ALOX12B: variants seen among roughly 807,000 people sequenced by gnomAD.
The protein encoded by ALOX12B is arachidonate 12-lipoxygenase, 12R type, also known as arachidonate 12-lipoxygenase, 12R-type.
A neutral mutation model predicts 78.9 loss-of-function variants in ALOX12B; 47 were observed. The ratio of observed to expected loss-of-function variants is 0.60; its 90% CI spans 0.47 to 0.76. The LOEUF is 0.76. ALOX12B is among the 30% of genes least tolerant of loss of function. The probability of loss-of-function intolerance (pLI) is 0.00; values close to 1 mark genes in which losing one functional copy is unlikely to be tolerated. For missense variants in ALOX12B, 805 were observed against 922.6 expected, an observed-to-expected ratio of 0.87 and a Z score of 1.65; for synonymous variants, 370 against 374.5, an observed-to-expected ratio of 0.99 and a Z score of 0.14.
In ALOX12B at chr17:8,072,705, G is replaced by A. The variant is rs74252603; in HGVS notation, c.*66C>T. 6.4e-4 allele frequency: 1,021 copies of A among 1,597,818 alleles called. 14 individuals carry two copies. The East Asian group carries it at 0.02, about 32-fold the overall frequency. ...TCTGAGGTTTTTGTGTTTTTTGCTT[G>A]TTTGTTTTGTTTTGTTGAAAATAGT... On this transcript the variant is annotated 3_prime_UTR_variant, in exon 15 of 15. Transcript: ENST00000647874.
rs201756763 is a variant in ALOX12B at position 8,075,225 on chromosome 17, TCTC to T, written c.1654+367_1654+369del. Among the ~76,000 whole-genome samples, 117 of 152,226 alleles carry T rather than the reference TCTC, an allele frequency of 7.7e-4. 1 individual carries two copies. In the East Asian group the frequency reaches 0.022, roughly 29 times the overall value. On this transcript the variant is annotated intron_variant, in intron 12 of 14. Coordinates refer to ENST00000647874, the MANE Select transcript of ALOX12B (RefSeq NM_001139.3). Reference sequence around the variant, plus strand: ...CGGGACCTCAGGGCGCTTTCACCCTTCTCCTGGAGCTGCCAGCTCCCTGGCCTC... The same window carrying T: ...CGGGACCTCAGGGCGCTTTCACCCTTCTGGAGCTGCCAGCTCCCTGGCCTC...
At chr17:8,078,538 A>C (rs560975643) in intron 8 of ALOX12B, among the ~76,000 whole-genome samples, 22 of 150,096 alleles carry the variant, frequency 1.5e-4, no homozygotes, top group African/African-American at 5.2e-4. Flanking sequence ...TGGGAGGCTG[A>C]GGCGGGAGAA....
At chr17:8,081,650 CA>C (rs1256943617) in intron 2 of ALOX12B, 3 of 202,106 alleles carry the variant, frequency 1.5e-5, no homozygotes, top group Non-Finnish European at 3.1e-5. Context: ...CATGTGTACA[CA>C]TTTTTTTTTT....
rs1303015972 is a variant in ALOX12B, at chr17:8,076,650, G to C, written c.1362+7C>G. 30 of 1,550,790 alleles carry C rather than the reference G, an allele frequency of 1.9e-5. No homozygotes were observed. Among genetic ancestry groups the C allele is most frequent in the Non-Finnish European group, 2.4e-5 (27 of 1,146,424 alleles). ...TGTCTCGTTGGGGTTGGGGGCAGAA[G>C]TCTTACCTTGGCAGAGAGCCCCCCC... is the stretch of plus-strand genomic sequence containing the variant. On this transcript the variant is annotated splice_region_variant and intron_variant, in intron 10 of 14. Transcript: ENST00000647874.
chr17:8,087,625 T>A lies in ALOX12B; in HGVS notation c.-183A>T. 9.5e-7 allele frequency: 1 copy of A among 1,047,278 alleles called. No individual in the cohort carries two copies. Among genetic ancestry groups the A allele is most frequent in the Non-Finnish European group, 1.4e-6 (1 of 719,056 alleles). The allele number at this position is 1,047,278 out of a possible 1,614,324, so 64.9% of individuals were successfully genotyped here. ...CCTGCCAGCCAAATTCTGGAAAAGC[T>A]GCTGCCCTTGGTGGCCGGGGTGGGT... On this transcript the variant is annotated 5_prime_UTR_variant, in exon 1 of 15. Coordinates refer to ENST00000647874, the MANE Select transcript of ALOX12B (RefSeq NM_001139.3).
chr17:8,085,914 GC>G lies in ALOX12B; in HGVS notation c.352+101del, dbSNP rs1978295444. 4.3e-6 allele frequency: 6 copies of G among 1,402,502 alleles called. No individual in the cohort carries two copies. In the South Asian group the frequency reaches 5.8e-5, roughly 14 times the overall value. The allele number at this position is 1,402,502 out of a possible 1,614,324, so 86.9% of individuals were successfully genotyped here. Reference sequence around the variant, plus strand: ...GCCCAGGAGTCCCTGGTGGGGCTGGGCCCCCCTCTGGCTTGATGGGAGCCTG... The same window carrying G: ...GCCCAGGAGTCCCTGGTGGGGCTGGGCCCCCTCTGGCTTGATGGGAGCCTG... On this transcript the variant is annotated intron_variant, in intron 2 of 14. Coordinates refer to ENST00000647874, the MANE Select transcript of ALOX12B (RefSeq NM_001139.3).
Position 8,075,729 on chromosome 17 carries a change from C to T in ALOX12B, c.1533-13G>A. On this transcript the variant is annotated splice_polypyrimidine_tract_variant and intron_variant, in intron 11 of 14. Coordinates refer to ENST00000647874, the MANE Select transcript of ALOX12B (RefSeq NM_001139.3). ...CTCCGTCACATACCTGACCAGGGGA[C>T]AGGGCCTCAGTTTGGATCCTCCTCC... 1 of 1,614,176 alleles carries T rather than the reference C, an allele frequency of 6.2e-7. No individual in the cohort carries two copies. The highest frequency in any genetic ancestry group is 2.2e-5 in the East Asian group (1 of 44,880).
In ALOX12B at chr17:8,080,211, G is replaced by A; in HGVS notation, c.754+24C>T. On this transcript the variant is annotated intron_variant, in intron 6 of 14. Coordinates refer to ENST00000647874, the MANE Select transcript of ALOX12B (RefSeq NM_001139.3). The surrounding 1 kb of genome is among the most constrained non-coding windows in gnomAD (Gnocchi z 4.8). ...GGAGACCGCCTGGCTCCCCCTGCTC[G>A]ATCCGGGACGCCCCATTCCATACCG... is the stretch of plus-strand genomic sequence containing the variant. The A allele has an allele frequency of 6.2e-7, 1 of 1,609,818 alleles. No homozygotes were observed. The highest frequency in any genetic ancestry group is 8.5e-7 in the Non-Finnish European group (1 of 1,176,096).
At chr17:8,073,600 CGA>C in intron 13 of ALOX12B, 55 bp downstream of exon 13, 1 of 1,524,916 alleles carries the variant, frequency 6.6e-7, no homozygotes, top group Non-Finnish European at 9.1e-7. Context: ...GGGGCATGGA[CGA>C]AATTTAGAAG....
intron 8 of ALOX12B, among the ~76,000 whole-genome samples, chr17:8,078,496 C>T (rs546246353): frequency 5.6e-4 from 85 of 151,398 alleles, no homozygotes; most frequent in Non-Finnish European, 8.7e-4. Context: ...GAGGGCCGGG[C>T]GAGGTGGCTC....
Position 8,076,322 on chromosome 17 carries a change from C to G in ALOX12B, c.1385G>C (p.Gly462Ala). Reference sequence around the variant, plus strand: ...AGCCCGTACCATCACCCCAGCAAAGCCTTCCACGCCCAGGGACATGCCCTG... The same window carrying G: ...AGCCCGTACCATCACCCCAGCAAAGGCTTCCACGCCCAGGGACATGCCCTG... ...SAKGMSLGVE[G>A]FAGVMVRALS... The change falls in exon 11 of 15, where the codon GGC becomes GCC. Residue 462 changes from glycine (G) to alanine (A), a missense_variant. Physicochemically the swap from Gly to Ala is moderately conservative, Grantham distance 60. Transcript: ENST00000647874. The G allele has an allele frequency of 6.2e-7, 1 of 1,608,338 alleles. No individual in the cohort carries two copies. Among genetic ancestry groups the G allele is most frequent in the East Asian group, 2.2e-5 (1 of 44,738 alleles).
Position 8,079,489 on chromosome 17 carries a change from G to A in ALOX12B, c.978C>T (p.Thr326=), listed in dbSNP as rs376447477. 3.2e-6 allele frequency: 5 copies of A among 1,551,004 alleles called. No individual in the cohort carries two copies. The highest frequency in any genetic ancestry group is 4.4e-6 in the Non-Finnish European group (5 of 1,146,982). The change falls in exon 8 of 15, where the codon ACC becomes ACT. Residue 326 remains threonine, a synonymous_variant. Coordinates refer to ENST00000647874, the MANE Select transcript of ALOX12B (RefSeq NM_001139.3). This position sits in a 1 kb window ranked among gnomAD's most constrained non-coding sequence, Gnocchi z 6.4. ...ADYRIMEGIP[T]VELSGRKQHH... is the part of the protein sequence containing the mutation. Reference sequence around the variant, plus strand: ...GCTGCTTCCGGCCGCTGAGCTCCACGGTGGGGATGCCCTCCATGATGCGGT... The same window carrying A: ...GCTGCTTCCGGCCGCTGAGCTCCACAGTGGGGATGCCCTCCATGATGCGGT...
chr17:8,085,808 T>C (rs973334650), intron 2 of ALOX12B, among the ~76,000 whole-genome samples: 1 of 152,150 alleles, frequency 6.6e-6, no homozygotes, highest in African/African-American at 2.4e-5. Context: ...CTCAGGCACC[T>C]CTCTTCCTCC....
rs779160373 is a variant in ALOX12B, at chr17:8,075,608, C to A, written c.1641G>T (p.Gly547=). The part of the protein sequence containing the change: ...VQEIFKECLL[G]RESSGFPRCL... The stretch of plus-strand genomic sequence containing the variant: ...CCAGGCCCATACCTGAGCTCTCCCG[C>A]CCCAGGAGGCACTCTTTAAATATTT... The change falls in exon 12 of 15, where the codon GGG becomes GGT. Residue 547 remains glycine, a synonymous_variant. Coordinates refer to ENST00000647874, the MANE Select transcript of ALOX12B (RefSeq NM_001139.3). 1.2e-6 allele frequency: 2 copies of A among 1,614,068 alleles called. No homozygotes were observed. Among genetic ancestry groups the A allele is most frequent in the Admixed American group, 3.3e-5 (2 of 60,004 alleles).
chr17:8,076,258 A>T lies in ALOX12B; in HGVS notation c.1449T>A (p.Asn483Lys). Residue 483 changes from asparagine (N) to lysine (K), a missense_variant, in exon 11 of 15, where the codon AAT becomes AAA. Asn to Lys is a moderately conservative substitution (Grantham distance 94). Transcript: ENST00000647874. The part of the protein sequence containing the change: ...ELTYDSLYLP[N>K]DFVERGVQDL... ...CCTGGACCCCACGCTCCACAAAGTCATTGGGGAGGTAGAGGCTGTCATAGG... is the reference window on the plus strand; with the variant it reads ...CCTGGACCCCACGCTCCACAAAGTCTTTGGGGAGGTAGAGGCTGTCATAGG... 6.2e-7 allele frequency: 1 copy of T among 1,614,118 alleles called. No individual in the cohort carries two copies. The highest frequency in any genetic ancestry group is 8.5e-7 in the Non-Finnish European group (1 of 1,180,004).
At chr17:8,081,894 C>T (rs1393518515) in intron 2 of ALOX12B, among the ~76,000 whole-genome samples, 1 of 152,214 alleles carries the variant, frequency 6.6e-6, no homozygotes, top group Non-Finnish European at 1.5e-5. Flanking sequence ...CTGCACGCCT[C>T]TGCCTCCCAA....
At position 8,072,863 on chromosome 17, in the gene ALOX12B, T is replaced by A; in HGVS notation, c.2014A>T (p.Ile672Phe). The change falls in exon 15 of 15, where the codon ATC (isoleucine) becomes TTC (phenylalanine). Residue 672 changes from isoleucine to phenylalanine, a missense_variant. Physicochemically the swap from Ile to Phe is conservative, Grantham distance 21. Coordinates refer to ENST00000647874, the MANE Select transcript of ALOX12B (RefSeq NM_001139.3). Reference sequence around the variant, plus strand: ...TTGCGCTGGCGGATGTCGTGTGAGATCTGGTTCAGGCGCTGGCGGAACGCC... The same window carrying A: ...TTGCGCTGGCGGATGTCGTGTGAGAACTGGTTCAGGCGCTGGCGGAACGCC... Reference protein sequence around the residue: ...IEAFRQRLNQISHDIRQRNKC... With the variant: ...IEAFRQRLNQFSHDIRQRNKC... 1 of 1,614,136 alleles carries A rather than the reference T, an allele frequency of 6.2e-7. No individual in the cohort carries two copies. Among genetic ancestry groups the A allele is most frequent in the Non-Finnish European group, 8.5e-7 (1 of 1,180,014 alleles).
chr17:8,073,915 A>G (rs1440191383), intron 12 of ALOX12B, among the ~76,000 whole-genome samples, 158 bp from the exon 13 acceptor site: 1 of 152,138 alleles, frequency 6.6e-6, no homozygotes, highest in Non-Finnish European at 1.5e-5. Flanking sequence ...CTATGGCAGC[A>G]ACCCCATCTC....
At chr17:8,076,498 T>C (rs1363490794) in intron 10 of ALOX12B, among the ~76,000 whole-genome samples, 154 bp from the exon 11 acceptor site, 2 of 151,438 alleles carry the variant, frequency 1.3e-5, no homozygotes, top group Admixed American at 6.6e-5. Flanking sequence ...CAGCCCTGCC[T>C]CTGCTCCTTT....
Sources: allele counts gnomAD v4.1 joint callset (sites outside exome capture counted in the v4.1 genomes callset), GRCh38; gene constraint gnomAD v4.1.1; non-coding constraint Gnocchi (gnomAD v3.1); transcripts MANE v1.5; gene names NCBI Gene and HGNC (gene_info 2026-07-23, HGNC 2026-07-21).